PPFIA1: variants seen among roughly 807,000 people sequenced by gnomAD.
PPFIA1 encodes the protein PPFI scaffold protein A1.
PPFIA1 carries 25 observed loss-of-function variants against 149.9 expected under a neutral mutation model. The ratio of observed to expected loss-of-function variants is 0.17; its 90% CI spans 0.12 to 0.23. PPFIA1 has a LOEUF of 0.23. Ranked by LOEUF, PPFIA1 falls within the 10% of genes least tolerant of loss-of-function variation. The pLI, the probability that PPFIA1 is intolerant of heterozygous loss-of-function variation, is 1.00. For synonymous variants in PPFIA1, 549 were observed against 552.8 expected (o/e 0.99, Z 0.10); for missense variants, 1,362 against 1,506.5 (o/e 0.90, Z 1.59).
chr11:70,317,526 C>A (rs1194475452), intron 2 of PPFIA1, among the ~76,000 whole-genome samples: 1 of 152,174 alleles, frequency 6.6e-6, no homozygotes, highest in East Asian at 1.9e-4. Context: ...GGAATACTTA[C>A]ATTTAACCAA....
intron 16 of PPFIA1, chr11:70,349,815 A>C (rs905459528): frequency 4.6e-6 from 2 of 435,698 alleles, no homozygotes; most frequent in Non-Finnish European, 9.1e-6. Context: ...ACAGTTGTGT[A>C]TGTATATATA....
rs2052674047 is a variant in PPFIA1, at chr11:70,303,979, C to T, written c.265-20423C>T. ...TGAGATCGCGCCACTGCACTCCAGCCTGGGAGATAGCGAGACTTCGTCTCA... is the reference window on the plus strand; with the variant it reads ...TGAGATCGCGCCACTGCACTCCAGCTTGGGAGATAGCGAGACTTCGTCTCA... On this transcript the variant is annotated intron_variant, in intron 2 of 27. Transcript: ENST00000253925. Among the ~76,000 whole-genome samples, 2 of 151,978 alleles carry T rather than the reference C, an allele frequency of 1.3e-5. 1 individual carries two copies. Among genetic ancestry groups the T allele is most frequent in the Non-Finnish European group, 2.9e-5 (2 of 68,018 alleles).
At chr11:70,365,093 G>A (rs2056850069) in intron 21 of PPFIA1, 1 of 174,468 alleles carries the variant, frequency 5.7e-6, no homozygotes, top group Admixed American at 6.0e-5. Flanking sequence ...AAAGTTTCCA[G>A]AAGTACACAA....
intron 19 of PPFIA1, among the ~76,000 whole-genome samples, chr11:70,359,496 C>G (rs1370186861): frequency 6.6e-6 from 1 of 152,036 alleles, no homozygotes; most frequent in Non-Finnish European, 1.5e-5. Context: ...TGGAGAGGGT[C>G]CTGCTCTGTC....
chr11:70,336,377 C>T (rs895322442), intron 11 of PPFIA1, among the ~76,000 whole-genome samples: 1 of 152,114 alleles, frequency 6.6e-6, no homozygotes, highest in African/African-American at 2.4e-5. Flanking sequence ...GGGCACCCGC[C>T]TGTAGTCCCA....
intron 19 of PPFIA1, among the ~76,000 whole-genome samples, chr11:70,359,991 G>T (rs1173930476): frequency 6.6e-6 from 1 of 152,250 alleles, no homozygotes; most frequent in African/African-American, 2.4e-5. Context: ...GTTCCCACCT[G>T]GAGTGCCAGC....
intron 21 of PPFIA1, chr11:70,364,471 T>G (rs1413259351): frequency 6.6e-6 from 1 of 152,242 alleles, no homozygotes; most frequent in African/African-American, 2.4e-5. Flanking sequence ...AACAAATTCT[T>G]GTTGCAATGA....
At chr11:70,335,918 C>T (rs1216170416) in intron 11 of PPFIA1, among the ~76,000 whole-genome samples, 1 of 152,208 alleles carries the variant, frequency 6.6e-6, no homozygotes, top group Admixed American at 6.5e-5. Context: ...GTTTATCATT[C>T]TTATTCTCTA....
At chr11:70,378,227 G>T (rs1324611456) in intron 26 of PPFIA1, 32 bp downstream of exon 26, 2 of 1,595,146 alleles carry the variant, frequency 1.3e-6, no homozygotes, top group African/African-American at 1.3e-5. Context: ...CCTGTCACTT[G>T]TTGGGAGCAT....
intron 15 of PPFIA1, among the ~76,000 whole-genome samples, chr11:70,347,779 G>A (rs181870108): frequency 1.3e-5 from 2 of 152,122 alleles, no homozygotes; most frequent in Non-Finnish European, 2.9e-5. Context: ...CGAGGCAGGC[G>A]GATCACGAGG....
At chr11:70,341,735 C>T (rs1261381854) in intron 14 of PPFIA1, 1 of 154,064 alleles carries the variant, frequency 6.5e-6, no homozygotes, top group East Asian at 1.9e-4. Flanking sequence ...TGGGGTGCTC[C>T]AAGGCCATCG....
intron 16 of PPFIA1, chr11:70,350,872 TA>T: frequency 2.5e-6 from 1 of 395,334 alleles, no homozygotes; most frequent in Non-Finnish European, 3.5e-6. Context: ...ACATTTTCTC[TA>T]AATCCTGTCT....
At chr11:70,369,908 GT>G (rs2057140616) in intron 21 of PPFIA1, among the ~76,000 whole-genome samples, 1 of 151,102 alleles carries the variant, frequency 6.6e-6, no homozygotes, top group Non-Finnish European at 1.5e-5. Flanking sequence ...AGTAGCTGAA[GT>G]TACCGACATG....
chr11:70,363,773 C>T (rs917045394), intron 21 of PPFIA1, among the ~76,000 whole-genome samples: 2 of 152,184 alleles, frequency 1.3e-5, no homozygotes, highest in Non-Finnish European at 2.9e-5. Flanking sequence ...CTCAGAGTCC[C>T]TGAGTGCTGA....
rs894956896 is a variant in PPFIA1 at position 70,317,157 on chromosome 11, AT to A, written c.265-7236del. Reference sequence around the variant, plus strand: ...GACTTACAGTATTTTTAAACTTAACATTTTTTTTTCCTAAATAGGAAAAAAT... The same window carrying A: ...GACTTACAGTATTTTTAAACTTAACATTTTTTTTCCTAAATAGGAAAAAAT... On this transcript the variant is annotated intron_variant, in intron 2 of 27. Coordinates refer to ENST00000253925, the MANE Select transcript of PPFIA1 (RefSeq NM_003626.5). Among the ~76,000 whole-genome samples the A allele has an allele frequency of 1.1e-3, 160 of 151,592 alleles. 1 individual carries two copies. Among genetic ancestry groups the A allele is most frequent in the African/African-American group, 3.3e-3 (137 of 41,332 alleles).
In PPFIA1 at chr11:70,349,135, CAA is replaced by C. The variant is rs749436919; in HGVS notation, c.2163+736_2163+737del. Among the ~76,000 whole-genome samples the C allele has an allele frequency of 6.0e-4, 45 of 74,600 alleles. No individual in the cohort carries two copies. In the East Asian group the frequency reaches 6.8e-3, roughly 11 times the overall value. 48.9% of individuals were successfully genotyped at this position (74,600 alleles called of 152,430 possible). On this transcript the variant is annotated intron_variant, in intron 16 of 27. Coordinates refer to ENST00000253925, the MANE Select transcript of PPFIA1 (RefSeq NM_003626.5). ...AACCAGCTTCCTGGGCATCTACTAC[CAA>C]AAAAAAAAAAAAAAAAAAAAGGAAA...
At chr11:70,278,208 C>CT (rs1555076829) in intron 2 of PPFIA1, among the ~76,000 whole-genome samples, 144 of 146,392 alleles carry the variant, frequency 9.8e-4, no homozygotes, top group African/African-American at 2.6e-3. Context: ...CATGCCTGGC[C>CT]TTTTTTTTTT....
At chr11:70,310,351 G>A (rs1411196112) in intron 2 of PPFIA1, among the ~76,000 whole-genome samples, 1 of 151,700 alleles carries the variant, frequency 6.6e-6, no homozygotes, top group Admixed American at 6.6e-5. Flanking sequence ...GAAGTTAAGA[G>A]AGAGGCACAG....
chr11:70,367,180 C>A (rs957954230), intron 21 of PPFIA1, among the ~76,000 whole-genome samples: 9 of 152,188 alleles, frequency 5.9e-5, no homozygotes, highest in Admixed American at 2.6e-4. Context: ...CAAGACTGAG[C>A]TGTGGTGATG....
Sources: gnomAD v4.1 joint callset for allele counts (sites outside exome capture counted in the v4.1 genomes callset) on GRCh38, gnomAD v4.1.1 for gene constraint, MANE v1.5 for transcripts, NCBI Gene and HGNC (gene_info 2026-07-23, HGNC 2026-07-21) for gene names.